LEPR: variants seen among roughly 807,000 people sequenced by gnomAD.
LEPR encodes leptin receptor.
LEPR carries 56 observed loss-of-function variants against 114.7 expected under a neutral mutation model. That is an observed-to-expected ratio of 0.49 (90% CI 0.39 to 0.61). The LOEUF (loss-of-function observed/expected upper bound fraction) is 0.61. Among genes scored for constraint, LEPR ranks in the 20% least tolerant of loss-of-function variants. The probability of loss-of-function intolerance (pLI) is 0.00; values close to 1 mark genes in which losing one functional copy is unlikely to be tolerated. For missense variants in LEPR, 1,202 were observed against 1,352.9 expected, an observed-to-expected ratio of 0.89 and a Z score of 1.75; for synonymous variants, 443 against 461.4, an observed-to-expected ratio of 0.96 and a Z score of 0.51.
chr1:65,473,502 G>C (rs1380218558), intron 2 of LEPR, among the ~76,000 whole-genome samples: 1 of 152,158 alleles, frequency 6.6e-6, no homozygotes, highest in African/African-American at 2.4e-5. Context: ...AAAATGAGTA[G>C]TACAAAGAGA....
Position 65,617,002 on chromosome 1 carries a change from T to TA in LEPR, c.2212+778_2212+779insA, listed in dbSNP as rs1241303987. On this transcript the variant is annotated intron_variant, in intron 15 of 19. Coordinates refer to ENST00000349533, the MANE Select transcript of LEPR (RefSeq NM_002303.6). Reference sequence around the variant, plus strand: ...TGTCCTGTTTACATTATGATTACCTTTGTATTTATAGTGTTAAGCATCGAG... The same window carrying TA: ...TGTCCTGTTTACATTATGATTACCTTATGTATTTATAGTGTTAAGCATCGAG... 1.6e-4 allele frequency among the ~76,000 whole-genome samples: 24 copies of TA among 152,284 alleles called. No homozygotes were observed. The South Asian group carries it at 3.1e-3, about 20-fold the overall frequency.
Position 65,570,691 on chromosome 1 carries a change from T to C in LEPR, c.259T>C (p.Phe87Leu). 4 of 1,613,868 alleles carry C rather than the reference T, an allele frequency of 2.5e-6. No individual in the cohort carries two copies. Among genetic ancestry groups the C allele is most frequent in the Non-Finnish European group, 3.4e-6 (4 of 1,179,834 alleles). Residue 87 changes from phenylalanine to leucine, a missense_variant, in exon 4 of 20, where the codon TTC (phenylalanine) becomes CTC (leucine). Physicochemically the swap from Phe to Leu is conservative, Grantham distance 22. Transcript: ENST00000349533. ...THFSNLSKTT[F>L]HCCFRSEQDR... ...CTTTTCTAACTTATCCAAAACAACTTTCCACTGTTGCTTTCGGAGTGAGCA... is the reference window on the plus strand; with the variant it reads ...CTTTTCTAACTTATCCAAAACAACTCTCCACTGTTGCTTTCGGAGTGAGCA...
At chr1:65,461,208 C>T (rs1157849678) in intron 2 of LEPR, among the ~76,000 whole-genome samples, 2 of 152,076 alleles carry the variant, frequency 1.3e-5, no homozygotes, top group Non-Finnish European at 2.9e-5. Flanking sequence ...CTCCTGGCCT[C>T]AAGATATCCG....
At chr1:65,459,422 C>T (rs987232585) in intron 2 of LEPR, among the ~76,000 whole-genome samples, 1 of 152,168 alleles carries the variant, frequency 6.6e-6, no homozygotes, top group African/African-American at 2.4e-5. Flanking sequence ...ACTAGAAAGC[C>T]ACCCTTAGGA....
rs576954362 is a variant in LEPR, at chr1:65,504,688, G to A, written c.-20-60858G>A. Among the ~76,000 whole-genome samples the A allele has an allele frequency of 2.6e-5, 4 of 152,046 alleles. No individual in the cohort carries two copies. In the South Asian group the frequency reaches 8.3e-4, roughly 32 times the overall value. ...CTGCAAGTAATGCAGCACCCTGGTT[G>A]GGATACTGGAACAGAAAAATAGTGT... On this transcript the variant is annotated intron_variant, in intron 2 of 19. Coordinates refer to ENST00000349533, the MANE Select transcript of LEPR (RefSeq NM_002303.6).
At chr1:65,546,485 G>T (rs1050306832) in intron 2 of LEPR, among the ~76,000 whole-genome samples, 2 of 151,972 alleles carry the variant, frequency 1.3e-5, no homozygotes, top group African/African-American at 4.8e-5. Flanking sequence ...TTATTTCCTT[G>T]AGCAGTGGTT....
intron 2 of LEPR, among the ~76,000 whole-genome samples, chr1:65,550,513 G>A (rs1202122728): frequency 6.6e-6 from 1 of 152,202 alleles, no homozygotes; most frequent in Non-Finnish European, 1.5e-5. Context: ...AGGGAGCCTG[G>A]GCCATGGCGG....
intron 3 of LEPR, among the ~76,000 whole-genome samples, chr1:65,569,090 A>C (rs192264250): frequency 6.6e-6 from 1 of 152,170 alleles, no homozygotes; most frequent in African/African-American, 2.4e-5. Context: ...TTGGATGCAT[A>C]GTTCTGGAAG....
At chr1:65,486,572 T>C (rs1647497116) in intron 2 of LEPR, 1 of 152,190 alleles carries the variant, frequency 6.6e-6, no homozygotes, top group African/African-American at 2.4e-5. Flanking sequence ...CGTTTTACCC[T>C]GCCACACTTG....
chr1:65,438,214 T>C (rs1219081896), intron 2 of LEPR, among the ~76,000 whole-genome samples: 2 of 144,276 alleles, frequency 1.4e-5, no homozygotes, highest in Non-Finnish European at 3.0e-5. Flanking sequence ...ATTTAGGAAA[T>C]GAAGTTGTGC....
intron 2 of LEPR, among the ~76,000 whole-genome samples, chr1:65,531,652 T>G (rs979615733): frequency 4.6e-5 from 7 of 152,190 alleles, no homozygotes; most frequent in African/African-American, 9.7e-5. Flanking sequence ...AATGCTTTTT[T>G]TGGTGATTGA....
At chr1:65,427,377 C>T (rs1462991851) in intron 2 of LEPR, among the ~76,000 whole-genome samples, 2 of 152,048 alleles carry the variant, frequency 1.3e-5, no homozygotes, top group Non-Finnish European at 2.9e-5. Context: ...AGTTTGAGAC[C>T]AGTCTGGGCA....
intron 2 of LEPR, among the ~76,000 whole-genome samples, chr1:65,513,253 G>GTTT (rs1413980434): frequency 6.6e-6 from 1 of 152,190 alleles, no homozygotes; most frequent in African/African-American, 2.4e-5. Flanking sequence ...TGTTAGGGAA[G>GTTT]GAACAGTTTC....
chr1:65,545,773 T>G (rs935905383), intron 2 of LEPR, among the ~76,000 whole-genome samples: 1 of 152,090 alleles, frequency 6.6e-6, no homozygotes, highest in Admixed American at 6.5e-5. Context: ...TTCACTCTGA[T>G]GGTAGTTTCT....
At chr1:65,508,187 T>C (rs1436606481) in intron 2 of LEPR, among the ~76,000 whole-genome samples, 1 of 152,206 alleles carries the variant, frequency 6.6e-6, no homozygotes, top group Non-Finnish European at 1.5e-5. Context: ...GAGTTTTTAG[T>C]TTGACGCAAT....
chr1:65,625,994 A>G, intron 19 of LEPR: 1 of 761,282 alleles, frequency 1.3e-6, no homozygotes, highest in South Asian at 1.7e-5. Flanking sequence ...TCAGCATTTA[A>G]GCTCTGAAAT....
At chr1:65,539,469 A>G (rs1020612079) in intron 2 of LEPR, among the ~76,000 whole-genome samples, 1 of 152,158 alleles carries the variant, frequency 6.6e-6, no homozygotes, top group Admixed American at 6.5e-5. Flanking sequence ...TAGGCACTCA[A>G]TCAAAGAGCT....
chr1:65,506,899 AACT>A (rs2100540923), intron 2 of LEPR, among the ~76,000 whole-genome samples: 1 of 152,148 alleles, frequency 6.6e-6, no homozygotes, highest in East Asian at 1.9e-4. Flanking sequence ...TCCTAACTGA[AACT>A]TCGTATCAGC....
chr1:65,628,025 C>T (rs17127825), intron 19 of LEPR, among the ~76,000 whole-genome samples: 33,986 of 151,892 alleles, frequency 0.22, 4,157 homozygotes, highest in South Asian at 0.33. Flanking sequence ...AAATCTAAAT[C>T]CTGAACCTAT....
Sources: allele counts gnomAD v4.1 joint callset (sites outside exome capture counted in the v4.1 genomes callset), GRCh38; gene constraint gnomAD v4.1.1; transcripts MANE v1.5; gene names NCBI Gene and HGNC (gene_info 2026-07-23, HGNC 2026-07-21).